KCNN2: variants seen among roughly 807,000 people sequenced by gnomAD.
KCNN2 encodes the protein small conductance calcium-activated potassium channel protein 2.
In KCNN2, 24 loss-of-function variants were observed where a neutral mutation model predicts 55.5. That is an observed-to-expected ratio of 0.43 (90% CI 0.31 to 0.61). KCNN2 has a LOEUF of 0.61. Ranked by LOEUF, KCNN2 falls within the 20% of genes least tolerant of loss-of-function variation. KCNN2 has a pLI of 0.08. For synonymous variants in KCNN2, 431 were observed against 336.1 expected, an observed-to-expected ratio of 1.28 and a Z score of -3.09; for missense variants, 754 against 853.6, an observed-to-expected ratio of 0.88 and a Z score of 1.45.
intron 2 of KCNN2, among the ~76,000 whole-genome samples, chr5:114,398,999 T>A (rs564470083): frequency 1.3e-5 from 2 of 152,348 alleles, no homozygotes; most frequent in South Asian, 4.1e-4. Flanking sequence ...CAGGGATAGT[T>A]TGAATTCCTC....
chr5:114,264,898 G>A (rs1028309596), intron 2 of KCNN2, among the ~76,000 whole-genome samples: 2 of 152,194 alleles, frequency 1.3e-5, no homozygotes, highest in Non-Finnish European at 2.9e-5. Flanking sequence ...TGCCCTCAGG[G>A]ATATAAGCAT....
chr5:114,493,581 A>C, intron 7 of KCNN2, 109 bp downstream of exon 7: 1 of 761,316 alleles, frequency 1.3e-6, no homozygotes. Context: ...CTAATTAATA[A>C]ATCAAACCAG....
intron 2 of KCNN2, among the ~76,000 whole-genome samples, chr5:114,276,658 ATTTT>A (rs141201743): frequency 5.4e-5 from 7 of 130,450 alleles, no homozygotes; most frequent in Non-Finnish European, 1.1e-4. Context: ...CAACCCCTGC[ATTTT>A]TTTTTTTTTT....
intron 1 of KCNN2, among the ~76,000 whole-genome samples, chr5:114,173,439 TGTG>T (rs1167496892): frequency 0.012 from 23 of 1,902 alleles, no homozygotes; most frequent in Admixed American, 0.075. Flanking sequence ...TTGTTTTGTT[TGTG>T]TGTGTGTGTG....
intron 3 of KCNN2, among the ~76,000 whole-genome samples, chr5:114,461,428 C>T (rs1761187112): frequency 6.6e-6 from 1 of 152,172 alleles, no homozygotes; most frequent in African/African-American, 2.4e-5. Flanking sequence ...ATCAGGCTGG[C>T]TGCCTGTTCA....
intron 2 of KCNN2, among the ~76,000 whole-genome samples, chr5:114,316,919 T>C (rs1456555613): frequency 6.6e-6 from 1 of 152,220 alleles, no homozygotes; most frequent in East Asian, 1.9e-4. Flanking sequence ...AGGGTGTTCT[T>C]TGAAAACTGC....
At chr5:114,449,066 T>C (rs1029541334) in intron 3 of KCNN2, among the ~76,000 whole-genome samples, 2 of 152,162 alleles carry the variant, frequency 1.3e-5, no homozygotes, top group Admixed American at 6.5e-5. Flanking sequence ...GGCCCAAAAA[T>C]GAAATGGCAC....
chr5:114,252,147 G>T (rs1163039669), intron 2 of KCNN2, among the ~76,000 whole-genome samples: 2 of 151,886 alleles, frequency 1.3e-5, no homozygotes, highest in African/African-American at 4.8e-5. Flanking sequence ...CAAAGTGCTG[G>T]GATTACAGGC....
chr5:114,213,617 G>A (rs1580625233), intron 1 of KCNN2, among the ~76,000 whole-genome samples: 1 of 152,054 alleles, frequency 6.6e-6, no homozygotes, highest in East Asian at 1.9e-4. Context: ...ACTATTGAAA[G>A]CATTTTTTTT....
intron 3 of KCNN2, among the ~76,000 whole-genome samples, chr5:114,435,588 T>C (rs1384545487): frequency 6.6e-6 from 1 of 151,982 alleles, no homozygotes; most frequent in Non-Finnish European, 1.5e-5. Flanking sequence ...GAGCCAAATA[T>C]AGGCATCACA....
intron 1 of KCNN2, among the ~76,000 whole-genome samples, chr5:114,089,470 T>A (rs1314791596): frequency 2.0e-5 from 3 of 152,200 alleles, no homozygotes; most frequent in African/African-American, 7.2e-5. Flanking sequence ...TGGGTATTTT[T>A]AAATTCATAA....
chr5:114,139,530 C>G (rs989872218), intron 1 of KCNN2, among the ~76,000 whole-genome samples: 4 of 150,312 alleles, frequency 2.7e-5, no homozygotes, highest in African/African-American at 9.8e-5. Flanking sequence ...AAAACACAGC[C>G]TCCAGAGGTT....
intron 2 of KCNN2, among the ~76,000 whole-genome samples, chr5:114,398,940 G>C (rs1183472387): frequency 1.3e-5 from 2 of 152,084 alleles, no homozygotes; most frequent in East Asian, 3.9e-4. Context: ...TTGAACTTTT[G>C]TGCAGAGACT....
intron 2 of KCNN2, among the ~76,000 whole-genome samples, chr5:114,224,119 G>C (rs1026235211): frequency 6.6e-6 from 1 of 152,108 alleles, no homozygotes; most frequent in African/African-American, 2.4e-5. Context: ...CCTTTTGGTA[G>C]AGCCTAATAG....
At chr5:114,220,020 T>C (rs1214169657) in intron 1 of KCNN2, among the ~76,000 whole-genome samples, 1 of 152,100 alleles carries the variant, frequency 6.6e-6, no homozygotes, top group Non-Finnish European at 1.5e-5. Context: ...AATTTAGAAA[T>C]AATTTTTAGT....
intron 1 of KCNN2, among the ~76,000 whole-genome samples, chr5:114,060,887 C>A (rs1440358470): frequency 6.6e-6 from 1 of 152,202 alleles, no homozygotes; most frequent in Non-Finnish European, 1.5e-5. Context: ...TCAAGTAATG[C>A]TTCTAATTCT....
intron 1 of KCNN2, among the ~76,000 whole-genome samples, chr5:114,147,997 G>A (rs530282117): frequency 6.6e-6 from 1 of 152,194 alleles, no homozygotes; most frequent in African/African-American, 2.4e-5. Flanking sequence ...ACATAACGAA[G>A]AATGTAATTA....
chr5:114,169,009 C>T (rs1752976250), intron 1 of KCNN2, among the ~76,000 whole-genome samples: 1 of 152,070 alleles, frequency 6.6e-6, no homozygotes, highest in Non-Finnish European at 1.5e-5. Flanking sequence ...AGTGAGTTCT[C>T]ACAAGATCTG....
intron 2 of KCNN2, among the ~76,000 whole-genome samples, chr5:114,369,501 A>G (rs897699526): frequency 2.6e-5 from 4 of 152,174 alleles, no homozygotes; most frequent in Non-Finnish European, 5.9e-5. Flanking sequence ...TCATGTACCT[A>G]TGAGGTGGAT....
Sources: gnomAD v4.1 joint callset for allele counts (sites outside exome capture counted in the v4.1 genomes callset) on GRCh38, gnomAD v4.1.1 for gene constraint, MANE v1.5 for transcripts, NCBI Gene and HGNC (gene_info 2026-07-23, HGNC 2026-07-21) for gene names.